Variants in TRAPPC12 observed in about 807,000 individuals in gnomAD.
TRAPPC12 encodes the protein TPR repeat protein 15.
TRAPPC12 carries 61 observed loss-of-function variants against 69.2 expected under a neutral mutation model. The observed-to-expected ratio is 0.88, with a 90% CI of 0.72 to 1.09. The LOEUF (loss-of-function observed/expected upper bound fraction) is 1.09. TRAPPC12 is among the 50% of genes least tolerant of loss of function. The pLI is 0.00. For missense variants in TRAPPC12, 1,101 were observed against 1,016.4 expected, an observed-to-expected ratio of 1.08 and a Z score of -1.13; for synonymous variants, 469 against 438.9, an observed-to-expected ratio of 1.07 and a Z score of -0.86.
chr2:3,389,513 C>T (rs1269712644), intron 2 of TRAPPC12, among the ~76,000 whole-genome samples: 2 of 152,222 alleles, frequency 1.3e-5, no homozygotes, highest in Admixed American at 6.5e-5. Flanking sequence ...GCCCGAAGAG[C>T]AACAACCGCG....
intron 2 of TRAPPC12, among the ~76,000 whole-genome samples, chr2:3,398,532 G>A (rs1422655862): frequency 6.6e-6 from 1 of 152,220 alleles, no homozygotes; most frequent in Non-Finnish European, 1.5e-5. Flanking sequence ...CCAGGTGCAG[G>A]GGCTGCTGCC....
intron 3 of TRAPPC12, among the ~76,000 whole-genome samples, chr2:3,411,288 C>G (rs1451418145): frequency 6.6e-6 from 1 of 152,208 alleles, no homozygotes; most frequent in Admixed American, 6.5e-5. Context: ...GGTACAGAGA[C>G]TGAGGGCGTC....
rs377516390 is a variant in TRAPPC12, at chr2:3,431,777, G to A, written c.1417+7114G>A. ...TTGTTACAATTGATGAACCAGTATT[G>A]GTACAGCATTATTAACAAATGTTTA... On this transcript the variant is annotated intron_variant, in intron 5 of 11. Transcript: ENST00000324266. Among the ~76,000 whole-genome samples the A allele has an allele frequency of 3.0e-3, 461 of 152,032 alleles. 9 individuals carry two copies. The highest frequency in any genetic ancestry group is 0.011 in the African/African-American group (447 of 41,450).
At chr2:3,384,225 T>C (rs962422505) in intron 1 of TRAPPC12, among the ~76,000 whole-genome samples, 2 of 152,192 alleles carry the variant, frequency 1.3e-5, no homozygotes, top group African/African-American at 4.8e-5. Flanking sequence ...CCATAGATTT[T>C]TGATGTATTC....
chr2:3,383,168 TTATG>T (rs1660304764), intron 1 of TRAPPC12, among the ~76,000 whole-genome samples: 1 of 152,226 alleles, frequency 6.6e-6, no homozygotes, highest in African/African-American at 2.4e-5. Context: ...TAGGGATTCT[TTATG>T]TATTCTTCGT....
intron 6 of TRAPPC12, among the ~76,000 whole-genome samples, chr2:3,453,847 A>G (rs1664982245): frequency 6.6e-6 from 1 of 152,228 alleles, no homozygotes; most frequent in South Asian, 2.1e-4. Context: ...CTTTATAGAA[A>G]TAACCTTTTG....
chr2:3,435,791 TA>T (rs557052533), intron 5 of TRAPPC12, among the ~76,000 whole-genome samples: 2 of 152,204 alleles, frequency 1.3e-5, no homozygotes, highest in Non-Finnish European at 2.9e-5. Flanking sequence ...GGAAACAATA[TA>T]TATCTAATGA....
intron 5 of TRAPPC12, among the ~76,000 whole-genome samples, chr2:3,439,608 T>C (rs1020052678): frequency 6.6e-6 from 1 of 152,244 alleles, no homozygotes; most frequent in African/African-American, 2.4e-5. Flanking sequence ...GATAGGTGTT[T>C]TACAGCTATT....
intron 9 of TRAPPC12, among the ~76,000 whole-genome samples, chr2:3,475,918 T>C (rs1339699911): frequency 5.3e-5 from 8 of 152,224 alleles, no homozygotes; most frequent in Admixed American, 5.2e-4. Context: ...TTAATCTTGA[T>C]CGGTCTTGAT....
intron 6 of TRAPPC12, among the ~76,000 whole-genome samples, chr2:3,448,407 A>G (rs1378826267): frequency 2.0e-5 from 3 of 152,212 alleles, no homozygotes; most frequent in Admixed American, 6.5e-5. Context: ...AGTTCCAGAA[A>G]TTTTAGCAAT....
At chr2:3,473,333 T>TTTATGCATAAA (rs1437969285) in intron 9 of TRAPPC12, among the ~76,000 whole-genome samples, 3 of 152,248 alleles carry the variant, frequency 2.0e-5, no homozygotes, top group African/African-American at 7.2e-5. Context: ...TTTCTTTTAT[T>TTTATGCATAAA]CGTTTATGTA....
intron 2 of TRAPPC12, among the ~76,000 whole-genome samples, chr2:3,400,027 C>G (rs183668102): frequency 1.8e-4 from 28 of 152,336 alleles, no homozygotes; most frequent in African/African-American, 3.4e-4. Flanking sequence ...TCTCCACCCC[C>G]CATCTTGGGG....
Position 3,443,897 on chromosome 2 carries a change from T to C in TRAPPC12, c.1530+6T>C, listed in dbSNP as rs768585124. ...TGAAGACTGTCTGCAGCAAGGTAGG[T>C]GGCGCTGTCATTCTTCCCTGCCACG... On this transcript the variant is annotated splice_donor_region_variant and intron_variant, in intron 6 of 11. Transcript: ENST00000324266. 1.9e-6 allele frequency: 3 copies of C among 1,609,064 alleles called. No homozygotes were observed. The Admixed American group carries it at 5.0e-5, about 27-fold the overall frequency.
intron 9 of TRAPPC12, among the ~76,000 whole-genome samples, chr2:3,475,022 G>C (rs1007524270): frequency 6.6e-6 from 1 of 152,106 alleles, no homozygotes; most frequent in Non-Finnish European, 1.5e-5. Context: ...CCATTTCCTT[G>C]TTCTGCCTGT....
At chr2:3,398,725 T>G (rs1244558652) in intron 2 of TRAPPC12, among the ~76,000 whole-genome samples, 1 of 152,218 alleles carries the variant, frequency 6.6e-6, no homozygotes, top group East Asian at 1.9e-4. Context: ...CTGTCAGCCG[T>G]GAGAACAGCC....
At chr2:3,418,038 CA>C (rs1158063900) in intron 3 of TRAPPC12, among the ~76,000 whole-genome samples, 56 of 70,222 alleles carry the variant, frequency 8.0e-4, no homozygotes, top group South Asian at 3.2e-3. Context: ...GACTCTGTCT[CA>C]AAAAAAAAAA....
chr2:3,467,426 A>G (rs1171650683), intron 9 of TRAPPC12: 4 of 152,224 alleles, frequency 2.6e-5, no homozygotes, highest in African/African-American at 9.6e-5. Flanking sequence ...CTGTTTTTCT[A>G]AAGGAAATGG....
chr2:3,420,496 C>G (rs544701820), intron 3 of TRAPPC12, among the ~76,000 whole-genome samples: 4 of 152,330 alleles, frequency 2.6e-5, no homozygotes, highest in African/African-American at 9.6e-5. Flanking sequence ...ATTGTCACAT[C>G]TGTGAGGTGG....
intron 3 of TRAPPC12, among the ~76,000 whole-genome samples, chr2:3,408,969 A>G (rs2103485243): frequency 1.3e-5 from 2 of 152,194 alleles, no homozygotes; most frequent in Middle Eastern, 3.4e-3. Context: ...CCGCTGCGGC[A>G]CAGAGCTATG....
Sources: gnomAD v4.1 joint callset for allele counts (sites outside exome capture counted in the v4.1 genomes callset) on GRCh38, gnomAD v4.1.1 for gene constraint, MANE v1.5 for transcripts, NCBI Gene and HGNC (gene_info 2026-07-23, HGNC 2026-07-21) for gene names.